Variants in SULT1A1 observed in about 807,000 individuals in gnomAD.
SULT1A1 encodes sulfotransferase family 1A member 1, also known as sulfotransferase 1A1.
Under a neutral mutation model 36.8 loss-of-function variants are expected in SULT1A1, and 35 were observed. The ratio of observed to expected loss-of-function variants is 0.95; its 90% CI spans 0.73 to 1.26. The LOEUF is 1.26. Among genes scored for constraint, SULT1A1 ranks in the 50% most tolerant of loss-of-function variants. The pLI, the probability that SULT1A1 is intolerant of heterozygous loss-of-function variation, is 0.00. For missense variants in SULT1A1, 309 were observed against 383.0 expected (o/e 0.81, Z 1.61); for synonymous variants, 119 against 146.0 (o/e 0.82, Z 1.33).
intron 2 of SULT1A1, chr16:28,619,922 CAT>C (rs1164407519): frequency 3.5e-6 from 2 of 571,256 alleles, no homozygotes; most frequent in South Asian, 3.9e-5. Context: ...GATCTATGTA[CAT>C]ATATATACAT....
intron 2 of SULT1A1, among the ~76,000 whole-genome samples, chr16:28,615,833 C>A (rs542904420): frequency 6.6e-6 from 1 of 152,174 alleles, no homozygotes; most frequent in South Asian, 2.1e-4. Context: ...GCCTGGCAGC[C>A]GAGGCAGAGA....
At chr16:28,621,072 T>C (rs377746509) in intron 1 of SULT1A1, among the ~76,000 whole-genome samples, 35 of 151,180 alleles carry the variant, frequency 2.3e-4, no homozygotes, top group East Asian at 1.6e-3. Flanking sequence ...ATCGGGCCAA[T>C]GCACATTCCA....
Position 28,609,438 on chromosome 16 carries a change from G to T in SULT1A1, c.-5+493C>A, listed in dbSNP as rs35827316. 0.01 allele frequency: 12,621 copies of T among 1,260,942 alleles called. 302 individuals are homozygous for T. The highest frequency in any genetic ancestry group is 0.012 in the Non-Finnish European group (11,254 of 962,108). The allele number at this position is 1,260,942 out of a possible 1,614,324, so 78.1% of individuals were successfully genotyped here. A position where few individuals can be genotyped will look rare whatever the true frequency, so the allele number is the denominator to read the frequency against. ...TGAGCTGCTACTAGGGGCCAGAGCT[G>T]CTGTGGGAATGAACAAAACTCTGAT... On this transcript the variant is annotated intron_variant, in intron 1 of 7. Coordinates refer to ENST00000314752, the MANE Select transcript of SULT1A1 (RefSeq NM_001055.4).
At chr16:28,622,648 C>T (rs1181719156) in intron 1 of SULT1A1, among the ~76,000 whole-genome samples, 3 of 152,172 alleles carry the variant, frequency 2.0e-5, no homozygotes, top group Non-Finnish European at 2.9e-5. Context: ...GTGTTGGCCC[C>T]GGGGCCCCAG....
chr16:28,615,972 T>C (rs1445111528), intron 2 of SULT1A1, among the ~76,000 whole-genome samples: 1 of 151,812 alleles, frequency 6.6e-6, no homozygotes, highest in Non-Finnish European at 1.5e-5. Context: ...AACATGAAGG[T>C]GGACTAGGAG....
Position 28,605,464 on chromosome 16 carries a change from G to A in SULT1A1, c.*357C>T, listed in dbSNP as rs1462942335. ...TTTCTCAAATTTTTGTAGGGATGAT[G>A]TCTTGTAATGTTGAACAGGCTGGTC... On this transcript the variant is annotated 3_prime_UTR_variant, in exon 8 of 8. Transcript: ENST00000314752. The A allele has an allele frequency of 1.6e-5, 6 of 379,172 alleles. No homozygotes were observed. The highest frequency in any genetic ancestry group is 7.6e-4 in the Middle Eastern group (1 of 1,310). 23.5% of individuals were successfully genotyped at this position (379,172 alleles called of 1,614,324 possible). A position where few individuals can be genotyped will look rare whatever the true frequency, so the allele number is the denominator to read the frequency against.
Position 28,608,330 on chromosome 16 carries a change from CA to C in SULT1A1, c.332del (p.Leu111ArgfsTer72). ...CCAACAGAGTCTGGGGGAGCAGAGC[CA>C]GGGGCAGGTGTGTCTTCAGGAGTCG... is the stretch of plus-strand genomic sequence containing the variant. ...APRLLKTHLP[L>X]ALLPQTLLDQ... On this transcript the variant is annotated frameshift_variant, in exon 4 of 8. Coordinates refer to ENST00000314752, the MANE Select transcript of SULT1A1 (RefSeq NM_001055.4). LOFTEE classifies it high-confidence loss of function. 6.2e-7 allele frequency: 1 copy of C among 1,612,354 alleles called. No homozygotes were observed. Among genetic ancestry groups the C allele is most frequent in the Non-Finnish European group, 8.5e-7 (1 of 1,178,684 alleles).
chr16:28,623,179 A>G (rs1305612655), exon 1 of SULT1A1: 4 of 1,469,532 alleles, frequency 2.7e-6, no homozygotes, highest in Non-Finnish European at 3.6e-6. Context: ...ACCTGGTCGC[A>G]CAGCAACTTG....
Position 28,605,504 on chromosome 16 carries a change from T to C in SULT1A1, c.*317A>G, listed in dbSNP as rs567404525. The C allele has an allele frequency of 4.3e-6, 2 of 467,636 alleles. No homozygotes were observed. The highest frequency in any genetic ancestry group is 2.2e-5 in the South Asian group (1 of 45,766). 29.0% of individuals were successfully genotyped at this position (467,636 alleles called of 1,614,324 possible). The stretch of plus-strand genomic sequence containing the variant: ...ACAGGCTGGTCCCAAACTCCTGTCC[T>C]CCAGTGATCCTCTAGCCTCAACTTC... On this transcript the variant is annotated 3_prime_UTR_variant, in exon 8 of 8. Coordinates refer to ENST00000314752, the MANE Select transcript of SULT1A1 (RefSeq NM_001055.4).
chr16:28,607,391 C>T (rs187792781), intron 4 of SULT1A1: 25 of 371,436 alleles, frequency 6.7e-5, no homozygotes, highest in African/African-American at 5.0e-4. Flanking sequence ...GACCCACCCT[C>T]TAGCTTTCTT....
At chr16:28,618,438 C>T (rs141643502) in intron 2 of SULT1A1, among the ~76,000 whole-genome samples, 18 of 149,236 alleles carry the variant, frequency 1.2e-4, no homozygotes, top group South Asian at 2.1e-4. Flanking sequence ...CTCCGCCTTC[C>T]GGGTTCAAGT....
intron 2 of SULT1A1, chr16:28,619,960 C>A: frequency 1.0e-6 from 1 of 1,003,650 alleles, no homozygotes; most frequent in Non-Finnish European, 1.4e-6. Flanking sequence ...CAAAAAGTTA[C>A]TGATTGTATA....
rs1567301328 is a variant in SULT1A1 at position 28,605,435 on chromosome 16, T to C, written c.*386A>G. The C allele has an allele frequency of 2.9e-6, 1 of 344,380 alleles. No individual in the cohort carries two copies. The highest frequency in any genetic ancestry group is 7.2e-5 in the East Asian group (1 of 13,866). The allele number at this position is 344,380 out of a possible 1,614,324, so 21.3% of individuals were successfully genotyped here. A position where few individuals can be genotyped will look rare whatever the true frequency, so the allele number is the denominator to read the frequency against. ...ACAGGTGCCCACCATCACGTACAGA[T>C]AATTTTCTCAAATTTTTGTAGGGAT... On this transcript the variant is annotated 3_prime_UTR_variant, in exon 8 of 8. Coordinates refer to ENST00000314752, the MANE Select transcript of SULT1A1 (RefSeq NM_001055.4).
intron 4 of SULT1A1, chr16:28,607,984 A>ATATT (rs1044297346): frequency 1.6e-4 from 30 of 186,566 alleles, no homozygotes; most frequent in African/African-American, 3.7e-4. Flanking sequence ...TTTTATTTAT[A>ATATT]TATTTATTTA....
chr16:28,607,654 C>CA (rs5816471), intron 4 of SULT1A1: 83 of 87,470 alleles, frequency 9.5e-4, no homozygotes, highest in Middle Eastern at 6.1e-3. Flanking sequence ...CAGAGAGTCT[C>CA]AAAAAAAAAA....
exon 1 of SULT1A1, chr16:28,623,276 C>T: frequency 6.5e-7 from 1 of 1,542,362 alleles, no homozygotes. Context: ...GGAAGGTCAC[C>T]ACCAACGTGG....
In SULT1A1 at chr16:28,606,759, A is replaced by T. The variant is rs756373864; in HGVS notation, c.594+2T>A. On this transcript the variant is annotated splice_donor_variant, in intron 6 of 7. Transcript: ENST00000314752. LOFTEE classifies it high-confidence loss of function. ...GGAGGGAAGCATCGCACGTGGTCTC[A>T]CCTCCTTCATGTCTTCATAGAAGAG... 6.2e-7 allele frequency: 1 copy of T among 1,612,000 alleles called. No individual in the cohort carries two copies. The highest frequency in any genetic ancestry group is 8.5e-7 in the Non-Finnish European group (1 of 1,178,508).
chr16:28,607,603 T>TTTATG (rs1278968732), intron 4 of SULT1A1: 83 of 89,230 alleles, frequency 9.3e-4, no homozygotes, highest in African/African-American at 2.5e-3. Flanking sequence ...TATTGTGGGA[T>TTTATG]TTATTTTATT....
At chr16:28,617,949 GT>G (rs1260559894) in intron 2 of SULT1A1, among the ~76,000 whole-genome samples, 1 of 151,608 alleles carries the variant, frequency 6.6e-6, no homozygotes, top group East Asian at 1.9e-4. Flanking sequence ...TGTAACCACT[GT>G]TTTTTAAAAC....
Sources: gnomAD v4.1 joint callset for allele counts (sites outside exome capture counted in the v4.1 genomes callset) on GRCh38, gnomAD v4.1.1 for gene constraint, MANE v1.5 for transcripts, NCBI Gene and HGNC (gene_info 2026-07-23, HGNC 2026-07-21) for gene names.